The following RBFOX1 variants were observed in gnomAD, a reference collection of about 807,000 sequenced individuals.
The protein encoded by RBFOX1 is RNA binding fox-1 homolog 1, also known as RNA binding protein fox-1 homolog 1.
A neutral mutation model predicts 57.7 loss-of-function variants in RBFOX1; 8 were observed. That is an observed-to-expected ratio of 0.14 (90% confidence interval 0.08 to 0.25). The LOEUF (loss-of-function observed/expected upper bound fraction) is 0.25, where lower values mean the gene tolerates loss of function less well. RBFOX1 is among the 10% of genes least tolerant of loss of function. The pLI is 1.00. For synonymous variants in RBFOX1, 326 were observed against 222.4 expected (o/e 1.47, Z -4.15); for missense variants, 611 against 548.5 (o/e 1.11, Z -1.14).
At chr16:6,667,340 G>A (rs1477964175) in intron 3 of RBFOX1, among the ~76,000 whole-genome samples, 1 of 152,108 alleles carries the variant, frequency 6.6e-6, no homozygotes, top group East Asian at 1.9e-4. Context: ...CTTGAAGCTG[G>A]CTTTGGGAAG....
intron 3 of RBFOX1, among the ~76,000 whole-genome samples, chr16:5,828,261 G>A (rs1171389883): frequency 6.6e-6 from 1 of 152,104 alleles, no homozygotes; most frequent in African/African-American, 2.4e-5. Flanking sequence ...CCATGTGTGG[G>A]AGAGCATGAT....
At chr16:6,601,164 G>C (rs1161008853) in intron 2 of RBFOX1, among the ~76,000 whole-genome samples, 7 of 152,154 alleles carry the variant, frequency 4.6e-5, no homozygotes, top group African/African-American at 1.4e-4. Flanking sequence ...GAACAGAAAG[G>C]AATTAGATAT....
At chr16:5,556,509 A>G (rs2045682891) in intron 2 of RBFOX1, among the ~76,000 whole-genome samples, 1 of 152,240 alleles carries the variant, frequency 6.6e-6, no homozygotes, top group South Asian at 2.1e-4. Flanking sequence ...ACTTAAAGAA[A>G]TGCTCAATGC....
intron 2 of RBFOX1, among the ~76,000 whole-genome samples, chr16:6,324,533 A>G (rs1394899775): frequency 1.3e-5 from 2 of 152,148 alleles, no homozygotes; most frequent in African/African-American, 4.8e-5. Context: ...CAGGAACAAG[A>G]GAGGGAGAGG....
At chr16:7,495,078 T>C (rs1013938676) in intron 4 of RBFOX1, among the ~76,000 whole-genome samples, 1 of 152,190 alleles carries the variant, frequency 6.6e-6, no homozygotes. Context: ...ATACTCGTTT[T>C]CTGTTCCTGC....
chr16:6,229,299 C>A (rs776032015), intron 1 of RBFOX1, among the ~76,000 whole-genome samples: 1 of 152,232 alleles, frequency 6.6e-6, no homozygotes, highest in Non-Finnish European at 1.5e-5. Context: ...TGAACAGTCT[C>A]ATCGTTCTCC....
intron 4 of RBFOX1, among the ~76,000 whole-genome samples, chr16:7,179,602 T>TA (rs1289247800): frequency 6.6e-6 from 1 of 151,968 alleles, no homozygotes; most frequent in African/African-American, 2.4e-5. Context: ...TTCCTTTTTT[T>TA]TTTATATATT....
intron 1 of RBFOX1, among the ~76,000 whole-genome samples, chr16:6,202,613 A>G (rs2097222209): frequency 6.6e-6 from 1 of 152,168 alleles, no homozygotes; most frequent in South Asian, 2.1e-4. Flanking sequence ...TTATTGAGGT[A>G]TAATTGGTAT....
In RBFOX1 at chr16:7,101,726, G is replaced by A. The variant is rs186657492; in HGVS notation, c.27+49628G>A. On this transcript the variant is annotated intron_variant, in intron 4 of 15. Transcript: ENST00000550418. ...TTTTTTAAAAATGTATTTGCTTGCC[G>A]CAGAAGACAAGTACAGGTTCTGCTC... 8.3e-4 allele frequency among the ~76,000 whole-genome samples: 127 copies of A among 152,198 alleles called. 1 individual carries two copies. The Middle Eastern group carries it at 0.014, about 16-fold the overall frequency.
Position 5,378,043 on chromosome 16 carries a change from G to T in RBFOX1, c.220-89173G>T, listed in dbSNP as rs934084424. ...TTTTTTTCTTTCTGTAGTCATTCATGGAGAGAGCAAGACAACAGCACAGTG... is the reference window on the plus strand; with the variant it reads ...TTTTTTTCTTTCTGTAGTCATTCATTGAGAGAGCAAGACAACAGCACAGTG... On this transcript the variant is annotated intron_variant, in intron 1 of 2. Coordinates refer to the RBFOX1 transcript ENST00000585867. Among the ~76,000 whole-genome samples the T allele has an allele frequency of 1.3e-4, 20 of 151,476 alleles. 2 individuals are homozygous for T. Among genetic ancestry groups the T allele is most frequent in the African/African-American group, 4.9e-4 (20 of 40,806 alleles).
chr16:7,567,158 T>TATATCCATATATATATCCCTATATAA (rs1241506830), intron 5 of RBFOX1, among the ~76,000 whole-genome samples: 1 of 146,810 alleles, frequency 6.8e-6, no homozygotes, highest in African/African-American at 2.5e-5. Context: ...TCCCTATATA[T>TATATCCATATATATATCCCTATATAA]ATATCCATAT....
At chr16:6,163,160 G>T (rs189573806) in intron 1 of RBFOX1, among the ~76,000 whole-genome samples, 245 of 152,230 alleles carry the variant, frequency 1.6e-3, no homozygotes, top group Non-Finnish European at 2.9e-3. Flanking sequence ...ACCTAGAATG[G>T]GATGCATATT....
intron 4 of RBFOX1, among the ~76,000 whole-genome samples, chr16:7,211,349 A>C (rs1048292545): frequency 7.1e-6 from 1 of 141,532 alleles, no homozygotes; most frequent in Non-Finnish European, 1.5e-5. Context: ...CCGAGATTGC[A>C]CCACTGCGCC....
chr16:6,874,551 A>G (rs1445072322), intron 3 of RBFOX1, among the ~76,000 whole-genome samples: 1 of 149,482 alleles, frequency 6.7e-6, no homozygotes, highest in Non-Finnish European at 1.5e-5. Flanking sequence ...AAATAATGGC[A>G]TTCGCAACAA....
chr16:6,842,362 C>A (rs994446419), intron 3 of RBFOX1, among the ~76,000 whole-genome samples: 2 of 152,014 alleles, frequency 1.3e-5, no homozygotes, highest in African/African-American at 2.4e-5. Flanking sequence ...ATACTTTGTG[C>A]ACATATAGAG....
chr16:6,263,460 C>G (rs545717327), intron 1 of RBFOX1, among the ~76,000 whole-genome samples: 1 of 152,144 alleles, frequency 6.6e-6, no homozygotes. Context: ...AGGTACATTT[C>G]TGGAATCGCC....
At chr16:5,905,663 C>G (rs1178594531) in intron 4 of RBFOX1, among the ~76,000 whole-genome samples, 2 of 152,138 alleles carry the variant, frequency 1.3e-5, no homozygotes, top group Admixed American at 1.3e-4. Flanking sequence ...CCACTCCACT[C>G]CAGCCAGAGG....
chr16:6,877,943 G>A (rs1368839409), intron 3 of RBFOX1, among the ~76,000 whole-genome samples: 1 of 152,028 alleles, frequency 6.6e-6, no homozygotes, highest in African/African-American at 2.4e-5. Flanking sequence ...ACAGAGTCTT[G>A]GATTAGCAAA....
chr16:7,425,895 T>C (rs577968694), intron 4 of RBFOX1, among the ~76,000 whole-genome samples: 8 of 152,320 alleles, frequency 5.3e-5, no homozygotes, highest in South Asian at 2.1e-4. Context: ...ACGAAATGTA[T>C]CATTTTTTCC....
Sources: allele counts gnomAD v4.1 joint callset (sites outside exome capture counted in the v4.1 genomes callset), GRCh38; gene constraint gnomAD v4.1.1; transcripts MANE v1.5; gene names NCBI Gene and HGNC (gene_info 2026-07-23, HGNC 2026-07-21).